ADCY8: variants seen among roughly 807,000 people sequenced by gnomAD.
ADCY8 encodes the protein adenylate cyclase 8, also known as adenylate cyclase type 8.
In ADCY8, 51 loss-of-function variants were observed where a neutral mutation model predicts 119.7. The ratio of observed to expected loss-of-function variants is 0.43; its 90% confidence interval spans 0.34 to 0.54. The LOEUF (loss-of-function observed/expected upper bound fraction) is 0.54, where lower values mean the gene tolerates loss of function less well. ADCY8 is among the 20% of genes least tolerant of loss of function. The pLI is 0.03. For synonymous variants in ADCY8, 665 were observed against 651.0 expected (o/e 1.02, Z -0.33); for missense variants, 1,383 against 1,598.8 (o/e 0.87, Z 2.30).
At chr8:130,834,155 A>G (rs891753334) in intron 12 of ADCY8, among the ~76,000 whole-genome samples, 1 of 152,238 alleles carries the variant, frequency 6.6e-6, no homozygotes, top group Non-Finnish European at 1.5e-5. Flanking sequence ...GTTTTATACC[A>G]TAAGTATATA....
intron 16 of ADCY8, among the ~76,000 whole-genome samples, chr8:130,784,361 C>T (rs552047325): frequency 5.9e-5 from 9 of 152,230 alleles, no homozygotes; most frequent in South Asian, 2.1e-4. Flanking sequence ...CTGCATAAGC[C>T]TCTGGGCCTC....
At chr8:130,978,642 C>T (rs1019795958) in intron 2 of ADCY8, among the ~76,000 whole-genome samples, 1 of 152,266 alleles carries the variant, frequency 6.6e-6, no homozygotes, top group African/African-American at 2.4e-5. Context: ...GATATGAAGA[C>T]ATGACATATA....
At chr8:131,038,212 C>T (rs1824224486) in intron 1 of ADCY8, among the ~76,000 whole-genome samples, 1 of 152,104 alleles carries the variant, frequency 6.6e-6, no homozygotes, top group African/African-American at 2.4e-5. Flanking sequence ...TGGGGTCGTG[C>T]CTGTTTATTC....
At chr8:130,839,359 T>C (rs1299125730) in intron 11 of ADCY8, among the ~76,000 whole-genome samples, 1 of 139,670 alleles carries the variant, frequency 7.2e-6, no homozygotes, top group African/African-American at 2.4e-5. Flanking sequence ...CCTTGCATGG[T>C]TTAGGTAACT....
At position 131,008,593 on chromosome 8, in the gene ADCY8, T is replaced by C. The variant is rs569346736; in HGVS notation, c.961-18051A>G. Among the ~76,000 whole-genome samples the C allele has an allele frequency of 8.4e-4, 128 of 152,276 alleles. 1 individual carries two copies. The highest frequency in any genetic ancestry group is 3.0e-3 in the African/African-American group (123 of 41,550). ...TTACCCAGTCTTGGGTATTTCTTCA[T>C]AGTAGTGTGAGAACAGACTAATACA... is the stretch of plus-strand genomic sequence containing the variant. On this transcript the variant is annotated intron_variant, in intron 1 of 17. Transcript: ENST00000286355.
chr8:130,874,190 C>T (rs1416350381), intron 8 of ADCY8, among the ~76,000 whole-genome samples: 4 of 151,958 alleles, frequency 2.6e-5, no homozygotes, highest in African/African-American at 9.7e-5. Context: ...CACCTGTAGT[C>T]CCAGCTACTC....
intron 17 of ADCY8, among the ~76,000 whole-genome samples, chr8:130,782,530 A>G (rs1815116992): frequency 1.3e-5 from 2 of 152,218 alleles, no homozygotes; most frequent in African/African-American, 4.8e-5. Flanking sequence ...CTATACTACG[A>G]GTGTAATATG....
At chr8:130,935,196 C>A (rs1008853986) in intron 5 of ADCY8, among the ~76,000 whole-genome samples, 1 of 152,240 alleles carries the variant, frequency 6.6e-6, no homozygotes, top group Non-Finnish European at 1.5e-5. Flanking sequence ...GAATGGTAAT[C>A]CAGCTGTCTT....
At chr8:130,835,269 A>G (rs1255250983) in intron 12 of ADCY8, among the ~76,000 whole-genome samples, 1 of 152,204 alleles carries the variant, frequency 6.6e-6, no homozygotes, top group African/African-American at 2.4e-5. Context: ...CAGAAAGTGC[A>G]TGCAAAAAGG....
chr8:130,787,475 T>TGTGG, intron 15 of ADCY8, among the ~76,000 whole-genome samples: 1 of 151,864 alleles, frequency 6.6e-6, no homozygotes, highest in East Asian at 1.9e-4. Context: ...TGCGTGTGGG[T>TGTGG]GTGGGTGTAT....
chr8:130,874,378 G>A (rs1472979631), intron 8 of ADCY8, among the ~76,000 whole-genome samples: 3 of 151,522 alleles, frequency 2.0e-5, no homozygotes, highest in Non-Finnish European at 2.9e-5. Flanking sequence ...TGGATACAAG[G>A]CATAATTGCA....
chr8:130,920,289 T>G (rs1820261203), intron 5 of ADCY8, among the ~76,000 whole-genome samples: 1 of 152,032 alleles, frequency 6.6e-6, no homozygotes. Flanking sequence ...CTGTGTTACA[T>G]GAAGACAGTA....
chr8:130,881,433 G>A (rs1370246524), intron 8 of ADCY8, among the ~76,000 whole-genome samples: 1 of 152,106 alleles, frequency 6.6e-6, no homozygotes, highest in Admixed American at 6.6e-5. Context: ...AAGGTGGAAA[G>A]GCAAACGGGT....
intron 3 of ADCY8, among the ~76,000 whole-genome samples, chr8:130,950,813 C>A (rs936108940): frequency 2.6e-5 from 4 of 152,186 alleles, no homozygotes; most frequent in Non-Finnish European, 2.9e-5. Context: ...AATTCTCCTG[C>A]CTTAGTCTCC....
At chr8:130,882,039 C>A (rs1207411000) in intron 8 of ADCY8, among the ~76,000 whole-genome samples, 3 of 151,696 alleles carry the variant, frequency 2.0e-5, no homozygotes, top group Admixed American at 1.3e-4. Flanking sequence ...CCCCCATATC[C>A]TTACCCGGAG....
At chr8:130,865,148 C>T (rs1472939549) in intron 9 of ADCY8, among the ~76,000 whole-genome samples, 3 of 152,100 alleles carry the variant, frequency 2.0e-5, no homozygotes, top group Middle Eastern at 3.4e-3. Flanking sequence ...TGTTAGTATC[C>T]GTGGTTAGTA....
chr8:130,827,241 T>C (rs982754455), intron 12 of ADCY8, among the ~76,000 whole-genome samples: 3 of 152,150 alleles, frequency 2.0e-5, no homozygotes, highest in Admixed American at 2.0e-4. Context: ...TTATTTTCCT[T>C]TCTAACAAGG....
Position 130,910,018 on chromosome 8 carries a change from G to A in ADCY8, c.1482-152C>T, listed in dbSNP as rs1819930214. The A allele has an allele frequency of 2.1e-5, 14 of 682,892 alleles. No individual in the cohort carries two copies. In the East Asian group the frequency reaches 3.9e-4, roughly 19 times the overall value. 42.3% of individuals were successfully genotyped at this position (682,892 alleles called of 1,614,324 possible). On this transcript the variant is annotated intron_variant, in intron 5 of 17. Transcript: ENST00000286355. ...AATGGAGCTGCAACCTCTGCCTCCCGGGTTCACGCTATTCTCCTGCCTCAG... is the reference window on the plus strand; with the variant it reads ...AATGGAGCTGCAACCTCTGCCTCCCAGGTTCACGCTATTCTCCTGCCTCAG...
rs1039898395 is a variant in ADCY8 at position 130,850,466 on chromosome 8, G to A, written c.2211-663C>T. ...TCTGTGATCTAAAACTCCATCTCTG[G>A]AGGCATCTTTAACTCCTGTCTCCCC... is the stretch of plus-strand genomic sequence containing the variant. On this transcript the variant is annotated intron_variant, in intron 9 of 17. Transcript: ENST00000286355. 2.0e-5 allele frequency among the ~76,000 whole-genome samples: 3 copies of A among 152,012 alleles called. No homozygotes were observed. In the South Asian group the frequency reaches 6.2e-4, roughly 32 times the overall value.
Sources: allele counts gnomAD v4.1 joint callset (sites outside exome capture counted in the v4.1 genomes callset), GRCh38; gene constraint gnomAD v4.1.1; transcripts MANE v1.5; gene names NCBI Gene and HGNC (gene_info 2026-07-23, HGNC 2026-07-21).